ATRNL1: variants seen among roughly 807,000 people sequenced by gnomAD.
The protein encoded by ATRNL1 is attractin-like protein 1.
Under a neutral mutation model 182.7 loss-of-function variants are expected in ATRNL1, and 95 were observed. The ratio of observed to expected loss-of-function variants is 0.52; its 90% CI spans 0.44 to 0.62. The LOEUF (loss-of-function observed/expected upper bound fraction) is 0.62, where lower values mean the gene tolerates loss of function less well. Among genes scored for constraint, ATRNL1 ranks in the 20% least tolerant of loss-of-function variants. The probability of loss-of-function intolerance (pLI) is 0.00; values close to 1 mark genes in which losing one functional copy is unlikely to be tolerated. For synonymous variants in ATRNL1, 576 were observed against 568.3 expected, an observed-to-expected ratio of 1.01 and a Z score of -0.19; for missense variants, 1,471 against 1,679.5, an observed-to-expected ratio of 0.88 and a Z score of 2.17.
At chr10:115,834,514 T>G (rs1950625867) in intron 27 of ATRNL1, among the ~76,000 whole-genome samples, 1 of 152,190 alleles carries the variant, frequency 6.6e-6, no homozygotes, top group Admixed American at 6.6e-5. Flanking sequence ...TTTGTTTGCC[T>G]GTCTCTAGGC....
intron 26 of ATRNL1, among the ~76,000 whole-genome samples, chr10:115,561,690 G>GTGT (rs1853734733): frequency 8.5e-4 from 43 of 50,446 alleles, no homozygotes; most frequent in Non-Finnish European, 8.8e-4. Flanking sequence ...TGTGTGTGTG[G>GTGT]GTGTGTGTGT....
intron 26 of ATRNL1, among the ~76,000 whole-genome samples, chr10:115,603,670 G>T (rs1335232979): frequency 1.3e-5 from 2 of 151,902 alleles, no homozygotes; most frequent in Non-Finnish European, 2.9e-5. Context: ...ATCATAAGCA[G>T]GCATCAAATC....
chr10:115,207,610 A>G (rs1386867111), intron 8 of ATRNL1, among the ~76,000 whole-genome samples: 5 of 151,742 alleles, frequency 3.3e-5, no homozygotes, highest in Admixed American at 1.3e-4. Context: ...CTGAGTGTAG[A>G]ATTCTATTTT....
At chr10:115,889,038 C>A (rs1952017524) in intron 28 of ATRNL1, among the ~76,000 whole-genome samples, 1 of 152,190 alleles carries the variant, frequency 6.6e-6, no homozygotes, top group African/African-American at 2.4e-5. Context: ...CTGTAGTAAA[C>A]TCTTGAAAGA....
At chr10:115,495,871 T>C (rs1849525505) in intron 24 of ATRNL1, among the ~76,000 whole-genome samples, 1 of 152,098 alleles carries the variant, frequency 6.6e-6, no homozygotes, top group South Asian at 2.1e-4. Context: ...GTTCGGAATA[T>C]TTTTGTTAGT....
intron 19 of ATRNL1, among the ~76,000 whole-genome samples, chr10:115,359,551 T>C (rs1343263778): frequency 6.6e-6 from 1 of 151,572 alleles, no homozygotes; most frequent in Non-Finnish European, 1.5e-5. Flanking sequence ...CCAATGTATG[T>C]ATTATATTTG....
intron 26 of ATRNL1, among the ~76,000 whole-genome samples, chr10:115,712,714 A>G (rs532252011): frequency 6.6e-6 from 1 of 152,092 alleles, no homozygotes; most frequent in African/African-American, 2.4e-5. Flanking sequence ...CTAAAAGTAC[A>G]CAGATTAGCC....
intron 26 of ATRNL1, among the ~76,000 whole-genome samples, chr10:115,716,788 C>T (rs775878546): frequency 9.2e-5 from 14 of 152,128 alleles, no homozygotes; most frequent in African/African-American, 1.2e-4. Context: ...TCATATTGTA[C>T]ACCTCCTGGA....
chr10:115,783,226 CCACACACACACA>C (rs56301408), intron 27 of ATRNL1, among the ~76,000 whole-genome samples: 1 of 150,046 alleles, frequency 6.7e-6, no homozygotes, highest in Non-Finnish European at 1.5e-5. Flanking sequence ...CTATATGATG[CCACACACACACA>C]CACACACACA....
chr10:115,709,097 G>C (rs1041185761), intron 26 of ATRNL1, among the ~76,000 whole-genome samples: 35 of 151,824 alleles, frequency 2.3e-4, no homozygotes, highest in Non-Finnish European at 4.7e-4. Flanking sequence ...AGAAGAGCTG[G>C]TTAAAAGGTA....
intron 24 of ATRNL1, among the ~76,000 whole-genome samples, chr10:115,482,090 AG>A (rs766040049): frequency 9.9e-5 from 15 of 151,084 alleles, no homozygotes; most frequent in Non-Finnish European, 2.1e-4. Context: ...GACTTAGCAT[AG>A]CAAATATTTC....
chr10:115,245,510 A>G (rs1850596181), intron 10 of ATRNL1, among the ~76,000 whole-genome samples: 2 of 151,642 alleles, frequency 1.3e-5, no homozygotes, highest in African/African-American at 4.8e-5. Context: ...AAAAAAAAAA[A>G]AAAAAAAAAA....
At chr10:115,447,697 G>T (rs1847072042) in intron 21 of ATRNL1, among the ~76,000 whole-genome samples, 1 of 151,654 alleles carries the variant, frequency 6.6e-6, no homozygotes, top group African/African-American at 2.4e-5. Context: ...CATCTAAGTT[G>T]TACTTAATTT....
chr10:115,320,744 A>G (rs944294201), intron 18 of ATRNL1, among the ~76,000 whole-genome samples: 2 of 151,538 alleles, frequency 1.3e-5, no homozygotes, highest in Non-Finnish European at 1.5e-5. Flanking sequence ...CAGCTCCATC[A>G]GATATTTATG....
chr10:115,525,278 T>G, intron 25 of ATRNL1, among the ~76,000 whole-genome samples: 1 of 152,170 alleles, frequency 6.6e-6, no homozygotes, highest in East Asian at 1.9e-4. Context: ...TCCCTACAAC[T>G]CTTTGTGAGC....
chr10:115,930,561 A>G (rs1953364907), intron 28 of ATRNL1, among the ~76,000 whole-genome samples: 1 of 152,346 alleles, frequency 6.6e-6, no homozygotes, highest in Non-Finnish European at 1.5e-5. Flanking sequence ...TAATTGGCTT[A>G]GCTAAAATAT....
intron 19 of ATRNL1, among the ~76,000 whole-genome samples, chr10:115,334,686 CCTA>C (rs1372377770): frequency 2.6e-5 from 4 of 151,432 alleles, no homozygotes; most frequent in South Asian, 2.1e-4. Context: ...AGAAAAAACA[CCTA>C]CTATCTCACT....
intron 8 of ATRNL1, among the ~76,000 whole-genome samples, chr10:115,200,203 G>A (rs1554892016): frequency 6.6e-6 from 1 of 150,942 alleles, no homozygotes; most frequent in Non-Finnish European, 1.5e-5. Flanking sequence ...TTTTAAAAAT[G>A]GATTTTTTTT....
In ATRNL1 at chr10:115,707,747, C is replaced by T. The variant is rs530543930; in HGVS notation, c.3796-19501C>T. On this transcript the variant is annotated intron_variant, in intron 26 of 28. Transcript: ENST00000355044. ...TGGTATTCCAGTTTAACCAAATAGA[C>T]CAAATTGTCTCCAATTTTTCACTAT... Among the ~76,000 whole-genome samples the T allele has an allele frequency of 4.6e-5, 7 of 151,654 alleles. No individual in the cohort carries two copies. The East Asian group carries it at 1.4e-3, about 29-fold the overall frequency.
Sources: gnomAD v4.1 joint callset for allele counts (sites outside exome capture counted in the v4.1 genomes callset) on GRCh38, gnomAD v4.1.1 for gene constraint, MANE v1.5 for transcripts, NCBI Gene and HGNC (gene_info 2026-07-23, HGNC 2026-07-21) for gene names.